MYO1G: variants seen among roughly 807,000 people sequenced by gnomAD.
MYO1G encodes the protein unconventional myosin-Ig.
In MYO1G, 65 loss-of-function variants were observed where a neutral mutation model predicts 115.3. The ratio of observed to expected loss-of-function variants is 0.56; its 90% confidence interval spans 0.46 to 0.69. MYO1G has a LOEUF of 0.69. Among genes scored for constraint, MYO1G ranks in the 30% least tolerant of loss-of-function variants. The pLI is 0.00. For synonymous variants in MYO1G, 510 were observed against 552.6 expected (o/e 0.92, Z 1.08); for missense variants, 1,204 against 1,393.5 (o/e 0.86, Z 2.16).
chr7:44,964,782 A>C lies in MYO1G; in HGVS notation c.2526+163T>G, dbSNP rs1393602594. Among the ~76,000 whole-genome samples, 1 of 152,148 alleles carries C rather than the reference A, an allele frequency of 6.6e-6. No individual in the cohort carries two copies. Among genetic ancestry groups the C allele is most frequent in the Non-Finnish European group, 1.5e-5 (1 of 68,014 alleles). ...GCCACTGCTCCTGAAGCCCAGGATG[A>C]GACCTTGCAGAGCTCTGGTGGGGGC... is the stretch of plus-strand genomic sequence containing the variant. On this transcript the variant is annotated intron_variant, in intron 18 of 21. Transcript: ENST00000258787. This position sits in a 1 kb window ranked among gnomAD's most constrained non-coding sequence, Gnocchi z 5.1.
rs777525394 is a variant in MYO1G, at chr7:44,976,969, G to A, written c.198C>T (p.Tyr66=). ...GCCGCTCATAGAGCTCACGGCCCTG[G>A]TACCTGGCGATGGCCTCAGGCCCAT... is the stretch of plus-strand genomic sequence containing the variant. The part of the protein sequence containing the change: ...PLYGPEAIAR[Y]QGRELYERPP... The change falls in exon 2 of 22, where the codon TAC becomes TAT. Residue 66 remains tyrosine (Y), a synonymous_variant. Transcript: ENST00000258787. The A allele has an allele frequency of 8.7e-6, 14 of 1,613,690 alleles. No homozygotes were observed. The highest frequency in any genetic ancestry group is 1.1e-5 in the Non-Finnish European group (13 of 1,180,040).
intron 5 of MYO1G, chr7:44,972,823 G>A (rs1302242448): frequency 6.5e-6 from 1 of 153,240 alleles, no homozygotes; most frequent in Non-Finnish European, 1.4e-5. Context: ...ACCTCAGCAG[G>A]GAGCTCAGAG....
Position 44,965,079 on chromosome 7 carries a change from G to A in MYO1G, c.2392C>T (p.Arg798Trp), listed in dbSNP as rs922704991. The A allele has an allele frequency of 3.1e-6, 5 of 1,606,140 alleles. No individual in the cohort carries two copies. The highest frequency in any genetic ancestry group is 2.7e-5 in the African/African-American group (2 of 74,798). Residue 798 changes from arginine (R) to tryptophan (W), a missense_variant, in exon 18 of 22, where the codon CGG (arginine) becomes TGG (tryptophan). Coordinates refer to ENST00000258787, the MANE Select transcript of MYO1G (RefSeq NM_033054.3). ...GGGGGGATGTTCTTCACCAGCTGCC[G>A]GGCCCGCCACCTGGGAGAGGGCATG... is the stretch of plus-strand genomic sequence containing the variant. Reference protein sequence around the residue: ...CHALFCRWRARQLVKNIPPSD... With the variant: ...CHALFCRWRAWQLVKNIPPSD...
At chr7:44,972,329 G>T in intron 5 of MYO1G, 104 bp from the exon 6 acceptor site, 1 of 850,166 alleles carries the variant, frequency 1.2e-6, no homozygotes, top group Non-Finnish European at 2.0e-6. Flanking sequence ...TTCCAGTATT[G>T]AACGAACAAA....
At position 44,975,736 on chromosome 7, in the gene MYO1G, T is replaced by C. The variant is rs750292484; in HGVS notation, c.399-87A>G. On this transcript the variant is annotated intron_variant, in intron 3 of 21. Transcript: ENST00000258787. ...TGCCCCTGAGTCTTCCCAACAGAAA[T>C]CACAGCATCTCAGGATGAGTTCCTC... 416 of 1,371,186 alleles carry C rather than the reference T, an allele frequency of 3.0e-4. 1 individual carries two copies. The highest frequency in any genetic ancestry group is 4.1e-4 in the Middle Eastern group (2 of 4,934). The allele number at this position is 1,371,186 out of a possible 1,614,324, so 84.9% of individuals were successfully genotyped here. A position where few individuals can be genotyped will look rare whatever the true frequency, so the allele number is the denominator to read the frequency against.
At position 44,965,792 on chromosome 7, in the gene MYO1G, C is replaced by T; in HGVS notation, c.2226G>A (p.Trp742Ter). 6.2e-7 allele frequency: 1 copy of T among 1,605,098 alleles called. No homozygotes were observed. The highest frequency in any genetic ancestry group is 8.5e-7 in the Non-Finnish European group (1 of 1,179,972). The change falls in exon 17 of 22, where the codon TGG becomes TGA. Residue 742 changes from tryptophan to a stop codon, truncating the protein, a stop_gained. Transcript: ENST00000258787. LOFTEE classifies it high-confidence loss of function. ...GAGCCCGCACCTTGTGTCTCCGGAA[C>T]CAGCGCATGATGGTGTAGATAGCCC... ...RLRAIYTIMR[W>*]FRRHKVRAHL...
intron 17 of MYO1G, among the ~76,000 whole-genome samples, 197 bp downstream of exon 17, chr7:44,965,440 C>G (rs973701002): frequency 6.6e-5 from 10 of 152,258 alleles, no homozygotes; most frequent in African/African-American, 2.2e-4. Flanking sequence ...GAATGCCCAC[C>G]ACAGTACCCA....
At chr7:44,970,498 A>G (rs1794935037) in intron 9 of MYO1G, 94 bp downstream of exon 9, 2 of 1,533,626 alleles carry the variant, frequency 1.3e-6, no homozygotes, top group African/African-American at 1.4e-5. Flanking sequence ...AAACCCCAAC[A>G]TTCCTGCTGC....
At chr7:44,975,457 G>A (rs1356798845) in intron 4 of MYO1G, 27 bp downstream of exon 4, 1 of 1,592,616 alleles carries the variant, frequency 6.3e-7, no homozygotes, top group Non-Finnish European at 8.6e-7. Flanking sequence ...GGCTCCCCAT[G>A]GAGGTCTCCT....
rs577631960 is a variant in MYO1G, at chr7:44,967,995, G to A, written c.1575-37C>T. The A allele has an allele frequency of 9.6e-5, 152 of 1,588,170 alleles. No individual in the cohort carries two copies. The South Asian group carries it at 1.5e-3, about 15-fold the overall frequency. ...CAGGGCTGGTGAGGGAGCAGGGGCG[G>A]GGGCTGCCAGGCCAGAGTGCTAATG... On this transcript the variant is annotated intron_variant, in intron 12 of 21. Transcript: ENST00000258787.
Position 44,963,606 on chromosome 7 carries a change from T to A in MYO1G, c.2745+443A>T, listed in dbSNP as rs938272342. The A allele has an allele frequency of 5.0e-6, 1 of 198,928 alleles. No homozygotes were observed. The highest frequency in any genetic ancestry group is 1.0e-5 in the Non-Finnish European group (1 of 98,734). The allele number at this position is 198,928 out of a possible 1,614,324, so 12.3% of individuals were successfully genotyped here. A position where few individuals can be genotyped will look rare whatever the true frequency, so the allele number is the denominator to read the frequency against. On this transcript the variant is annotated intron_variant, in intron 20 of 21. Transcript: ENST00000258787. This position sits in a 1 kb window ranked among gnomAD's most constrained non-coding sequence, Gnocchi z 4.1. Reference sequence around the variant, plus strand: ...GGCCTTGATCCCTACCCCCGTCTTGTGGGAAAGAGAATTTATGGGAACAGC... The same window carrying A: ...GGCCTTGATCCCTACCCCCGTCTTGAGGGAAAGAGAATTTATGGGAACAGC...
At chr7:44,971,082 C>G in intron 7 of MYO1G, 23 bp from the exon 8 acceptor site, 3 of 1,593,796 alleles carry the variant, frequency 1.9e-6, no homozygotes, top group Non-Finnish European at 2.6e-6. Flanking sequence ...AAACCATGAA[C>G]AGTCCGGGCT....
rs77642482 is a variant in MYO1G at position 44,975,395 on chromosome 7, G to T, written c.564+89C>A. The T allele has an allele frequency of 2.1e-3, 3,185 of 1,548,964 alleles. 56 individuals are homozygous for T. In the African/African-American group the frequency reaches 0.036, roughly 17 times the overall value. ...GGGAGAGACAGCCCAGCCCTCCTAA[G>T]CTGCACCGTCGGGATGGGTACCTTC... On this transcript the variant is annotated intron_variant, in intron 4 of 21. Coordinates refer to ENST00000258787, the MANE Select transcript of MYO1G (RefSeq NM_033054.3).
In MYO1G at chr7:44,977,067, C is replaced by A. The variant is rs201659933; in HGVS notation, c.100G>T (p.Glu34Ter). ...ATGTAGGTGTAGATGCGGCCCTTCT[C>A]GAACCTGGACACAGCAGGGGTAGGC... ...DFMRNLQLRF[E>*]KGRIYTYIGE... Residue 34 changes from glutamate to a stop codon, truncating the protein, a stop_gained, in exon 2 of 22, where the codon GAG becomes TAG. Coordinates refer to ENST00000258787, the MANE Select transcript of MYO1G (RefSeq NM_033054.3). LOFTEE classifies it high-confidence loss of function. The A allele has an allele frequency of 6.2e-7, 1 of 1,612,992 alleles. No homozygotes were observed. Among genetic ancestry groups the A allele is most frequent in the Non-Finnish European group, 8.5e-7 (1 of 1,179,862 alleles).
In MYO1G at chr7:44,969,418, G is replaced by A. The variant is rs368968733; in HGVS notation, c.1569C>T (p.Asp523=). ...GGGTGGGAGGGGGCCCTTACGTGAC[G>A]TCCCCTGCATAGTGCTTGATCCGGA... ...RDFRIKHYAG[D]VTYSVEGFID... Residue 523 remains aspartate, a synonymous_variant, in exon 12 of 22, where the codon GAC becomes GAT. Coordinates refer to ENST00000258787, the MANE Select transcript of MYO1G (RefSeq NM_033054.3). This position sits in a 1 kb window ranked among gnomAD's most constrained non-coding sequence, Gnocchi z 5.0. 44 of 1,613,726 alleles carry A rather than the reference G, an allele frequency of 2.7e-5. No individual in the cohort carries two copies. The highest frequency in any genetic ancestry group is 1.6e-4 in the East Asian group (7 of 44,872).
chr7:44,972,041 T>A, intron 6 of MYO1G, 74 bp downstream of exon 6: 3 of 1,201,316 alleles, frequency 2.5e-6, no homozygotes, highest in Non-Finnish European at 3.7e-6. Flanking sequence ...TGCTGAGTGC[T>A]GCCCATTCCC....
rs1794965132 is a variant in MYO1G, at chr7:44,971,886, C to A, written c.730-97G>T. On this transcript the variant is annotated intron_variant, in intron 6 of 21. Coordinates refer to ENST00000258787, the MANE Select transcript of MYO1G (RefSeq NM_033054.3). ...TCCTCCATCCTAGGCACCTGCTCAC[C>A]CCTGTCCCCTGTCCCCTTCCTGAAC... 3.5e-6 allele frequency: 3 copies of A among 858,586 alleles called. No homozygotes were observed. In the African/African-American group the frequency reaches 5.0e-5, roughly 14 times the overall value. The allele number at this position is 858,586 out of a possible 1,614,324, so 53.2% of individuals were successfully genotyped here. A position where few individuals can be genotyped will look rare whatever the true frequency, so the allele number is the denominator to read the frequency against.
Position 44,969,684 on chromosome 7 carries a change from C to A in MYO1G, c.1503+21G>T. 6.2e-7 allele frequency: 1 copy of A among 1,609,356 alleles called. No individual in the cohort carries two copies. The highest frequency in any genetic ancestry group is 8.5e-7 in the Non-Finnish European group (1 of 1,179,270). On this transcript the variant is annotated intron_variant, in intron 11 of 21. Coordinates refer to ENST00000258787, the MANE Select transcript of MYO1G (RefSeq NM_033054.3). The surrounding 1 kb of genome is among the most constrained non-coding windows in gnomAD (Gnocchi z 5.0). Reference sequence around the variant, plus strand: ...AGGTCCCACCAGCCCACTGTGGTGGCACTGGGACAGCCGGGGGCACCTGGC... The same window carrying A: ...AGGTCCCACCAGCCCACTGTGGTGGAACTGGGACAGCCGGGGGCACCTGGC...
chr7:44,977,054 A>G lies in MYO1G; in HGVS notation c.113T>C (p.Ile38Thr). Reference sequence around the variant, plus strand: ...CAGCACCTCACCGATGTAGGTGTAGATGCGGCCCTTCTCGAACCTGGACAC... The same window carrying G: ...CAGCACCTCACCGATGTAGGTGTAGGTGCGGCCCTTCTCGAACCTGGACAC... ...NLQLRFEKGRIYTYIGEVLVS... is the reference protein window; with the variant it reads ...NLQLRFEKGRTYTYIGEVLVS... Residue 38 changes from isoleucine (I) to threonine (T), a missense_variant, in exon 2 of 22, where the codon ATC becomes ACC. Transcript: ENST00000258787. 9 of 1,613,298 alleles carry G rather than the reference A, an allele frequency of 5.6e-6. No homozygotes were observed. Among genetic ancestry groups the G allele is most frequent in the Non-Finnish European group, 6.8e-6 (8 of 1,179,938 alleles).
Sources: gnomAD v4.1 joint callset for allele counts (sites outside exome capture counted in the v4.1 genomes callset) on GRCh38, gnomAD v4.1.1 for gene constraint, Gnocchi (gnomAD v3.1) non-coding constraint, MANE v1.5 for transcripts, NCBI Gene and HGNC (gene_info 2026-07-23, HGNC 2026-07-21) for gene names.